SPOCK1: variants seen among roughly 807,000 people sequenced by gnomAD.
SPOCK1 encodes SPARC (osteonectin), cwcv and kazal like domains proteoglycan 1.
A neutral mutation model predicts 55.3 loss-of-function variants in SPOCK1; 23 were observed. The observed-to-expected ratio is 0.42, with a 90% CI of 0.30 to 0.59. The LOEUF (loss-of-function observed/expected upper bound fraction) is 0.59, where lower values mean the gene tolerates loss of function less well. Among genes scored for constraint, SPOCK1 ranks in the 20% least tolerant of loss-of-function variants. The pLI, the probability that SPOCK1 is intolerant of heterozygous loss-of-function variation, is 0.22. For synonymous variants in SPOCK1, 226 were observed against 221.0 expected (o/e 1.02, Z -0.20); for missense variants, 499 against 552.5 (o/e 0.90, Z 0.97).
intron 2 of SPOCK1, among the ~76,000 whole-genome samples, chr5:137,278,875 A>C (rs144471855): frequency 6.6e-6 from 1 of 152,314 alleles, no homozygotes; most frequent in African/African-American, 2.4e-5. Context: ...AGCAATGCAC[A>C]TGAGTCCCCA....
intron 5 of SPOCK1, among the ~76,000 whole-genome samples, chr5:137,083,400 G>A (rs1266523541): frequency 6.6e-6 from 1 of 152,124 alleles, no homozygotes; most frequent in Non-Finnish European, 1.5e-5. Flanking sequence ...AAGCTCTGAG[G>A]AACTTAATTA....
At chr5:137,168,461 G>A (rs911227187) in intron 3 of SPOCK1, among the ~76,000 whole-genome samples, 19 of 152,040 alleles carry the variant, frequency 1.2e-4, no homozygotes, top group Admixed American at 2.0e-4. Flanking sequence ...ATGTGATAAA[G>A]GGATTAATAA....
chr5:136,989,671 G>C lies in SPOCK1; in HGVS notation c.707-1028C>G, dbSNP rs145714565. Among the ~76,000 whole-genome samples, 271 of 152,180 alleles carry C rather than the reference G, an allele frequency of 1.8e-3. 1 individual carries two copies. The highest frequency in any genetic ancestry group is 5.8e-3 in the African/African-American group (242 of 41,522). The stretch of plus-strand genomic sequence containing the variant: ...AGAATGGAGATTCAGACCCCGGCAA[G>C]CTTAATCCAGAATCTACATATTCTC... On this transcript the variant is annotated intron_variant, in intron 7 of 10. Coordinates refer to ENST00000394945, the MANE Select transcript of SPOCK1 (RefSeq NM_004598.4).
chr5:137,469,195 G>A (rs983738295), intron 2 of SPOCK1, among the ~76,000 whole-genome samples: 1 of 152,160 alleles, frequency 6.6e-6, no homozygotes, highest in African/African-American at 2.4e-5. Context: ...TACATAGTCA[G>A]TGCTGAGAAA....
rs190124376 is a variant in SPOCK1, at chr5:137,227,170, G to C, written c.232+39840C>G. Among the ~76,000 whole-genome samples, 18 of 152,260 alleles carry C rather than the reference G, an allele frequency of 1.2e-4. No homozygotes were observed. The East Asian group carries it at 1.9e-3, about 16-fold the overall frequency. ...ACTCCAGGACCTTTCTGTCTTTTGT[G>C]AACTACAGTACTTTTCCCTTAGCTT... On this transcript the variant is annotated intron_variant, in intron 3 of 10. Transcript: ENST00000394945.
intron 2 of SPOCK1, among the ~76,000 whole-genome samples, chr5:137,283,314 G>A (rs569394338): frequency 6.6e-6 from 1 of 152,202 alleles, no homozygotes. Flanking sequence ...CATGTTATAA[G>A]TGATCCAAGC....
intron 5 of SPOCK1, among the ~76,000 whole-genome samples, chr5:137,094,857 C>T (rs1580747582): frequency 6.6e-6 from 1 of 152,244 alleles, no homozygotes; most frequent in South Asian, 2.1e-4. Flanking sequence ...GCACAAGAGG[C>T]CTGGCTTTGG....
intron 7 of SPOCK1, among the ~76,000 whole-genome samples, chr5:136,990,450 AC>A (rs1366594096): frequency 6.6e-6 from 1 of 151,734 alleles, no homozygotes; most frequent in Non-Finnish European, 1.5e-5. Context: ...ATGTTGGGAG[AC>A]GTTTTCTAGC....
At chr5:137,442,418 T>C (rs887716940) in intron 2 of SPOCK1, among the ~76,000 whole-genome samples, 3 of 152,220 alleles carry the variant, frequency 2.0e-5, no homozygotes, top group African/African-American at 7.2e-5. Context: ...CCATGGGATC[T>C]TGTACAAATT....
intron 2 of SPOCK1, among the ~76,000 whole-genome samples, chr5:137,459,408 G>C (rs967592418): frequency 4.7e-5 from 7 of 150,512 alleles, no homozygotes; most frequent in African/African-American, 1.2e-4. Context: ...TCCAAGAGCA[G>C]AATGTCCTTG....
intron 4 of SPOCK1, among the ~76,000 whole-genome samples, chr5:137,117,684 G>A (rs1189716590): frequency 6.6e-6 from 1 of 151,990 alleles, no homozygotes; most frequent in Non-Finnish European, 1.5e-5. Flanking sequence ...AATTCAACAG[G>A]CTCTTGTTTC....
chr5:137,017,355 T>C (rs953393614), intron 6 of SPOCK1, among the ~76,000 whole-genome samples: 3 of 152,216 alleles, frequency 2.0e-5, no homozygotes, highest in Admixed American at 6.5e-5. Flanking sequence ...CTTGCTTCTT[T>C]TCTGAGCCAA....
chr5:137,182,942 C>T (rs1754996231), intron 3 of SPOCK1, among the ~76,000 whole-genome samples: 2 of 152,142 alleles, frequency 1.3e-5, no homozygotes, highest in African/African-American at 4.8e-5. Flanking sequence ...CAGAGCCACA[C>T]CCACAATTTG....
At chr5:137,216,807 A>T (rs566716512) in intron 3 of SPOCK1, among the ~76,000 whole-genome samples, 49 of 152,348 alleles carry the variant, frequency 3.2e-4, no homozygotes, top group Admixed American at 5.9e-4. Flanking sequence ...TGGAGGAATC[A>T]GGGGTCGGGG....
chr5:137,248,625 C>T (rs1353791876), intron 3 of SPOCK1, among the ~76,000 whole-genome samples: 2 of 152,208 alleles, frequency 1.3e-5, no homozygotes, highest in Non-Finnish European at 2.9e-5. Flanking sequence ...TTTCCTCGTT[C>T]TCTGACCCTG....
chr5:137,077,116 G>A (rs745899430), intron 5 of SPOCK1, among the ~76,000 whole-genome samples: 28 of 152,174 alleles, frequency 1.8e-4, no homozygotes, highest in Non-Finnish European at 1.8e-4. Context: ...AGTAGAGACG[G>A]GGTTTCACCG....
intron 2 of SPOCK1, among the ~76,000 whole-genome samples, chr5:137,470,079 G>A (rs1376603000): frequency 6.6e-6 from 1 of 152,140 alleles, no homozygotes; most frequent in African/African-American, 2.4e-5. Flanking sequence ...AGGCCACACT[G>A]ATCTCCTGCT....
intron 2 of SPOCK1, among the ~76,000 whole-genome samples, chr5:137,436,164 C>CTA (rs749468954): frequency 2.0e-5 from 3 of 151,988 alleles, no homozygotes; most frequent in East Asian, 1.9e-4. Flanking sequence ...TCTCAAAAAA[C>CTA]TATATATATA....
chr5:137,421,826 T>C (rs1306352035), intron 2 of SPOCK1, among the ~76,000 whole-genome samples: 2 of 152,232 alleles, frequency 1.3e-5, no homozygotes. Context: ...ATGTGTGAAT[T>C]TGATCCTGTC....
Sources: gnomAD v4.1 joint callset for allele counts (sites outside exome capture counted in the v4.1 genomes callset) on GRCh38, gnomAD v4.1.1 for gene constraint, MANE v1.5 for transcripts, NCBI Gene and HGNC (gene_info 2026-07-23, HGNC 2026-07-21) for gene names.